The following MCTP2 variants were observed in gnomAD, a reference collection of about 807,000 sequenced individuals.
The protein encoded by MCTP2 is multiple C2 and transmembrane domain containing 2.
MCTP2 carries 132 observed loss-of-function variants against 111.6 expected under a neutral mutation model. The observed-to-expected ratio is 1.18, with a 90% CI of 1.03 to 1.37. The LOEUF (loss-of-function observed/expected upper bound fraction) is 1.37, where lower values mean the gene tolerates loss of function less well. Among genes scored for constraint, MCTP2 ranks in the 40% most tolerant of loss-of-function variants. The probability of loss-of-function intolerance (pLI) is 0.00; values close to 1 mark genes in which losing one functional copy is unlikely to be tolerated. For synonymous variants in MCTP2, 395 were observed against 387.7 expected (o/e 1.02, Z -0.22); for missense variants, 1,183 against 1,067.9 (o/e 1.11, Z -1.50).
chr15:94,424,980 G>A (rs1468183581), intron 17 of MCTP2, among the ~76,000 whole-genome samples: 2 of 151,398 alleles, frequency 1.3e-5, no homozygotes, highest in East Asian at 3.9e-4. Flanking sequence ...TTTTCATGCT[G>A]TTTGTTTTAC....
intron 17 of MCTP2, among the ~76,000 whole-genome samples, chr15:94,426,443 T>C (rs1057304371): frequency 1.3e-5 from 2 of 152,154 alleles, no homozygotes; most frequent in African/African-American, 4.8e-5. Context: ...AAATTATTAA[T>C]TTAATTCCCT....
intron 14 of MCTP2, among the ~76,000 whole-genome samples, chr15:94,394,211 T>C (rs530356290): frequency 6.6e-6 from 1 of 151,894 alleles, no homozygotes; most frequent in Admixed American, 6.6e-5. Flanking sequence ...GGCTGTGTGA[T>C]TTTTAACATT....
rs1223044643 is a variant in MCTP2 at position 94,480,178 on chromosome 15, A to C, written c.*1144A>C. The C allele has an allele frequency of 6.6e-6, 1 of 152,210 alleles. No individual in the cohort carries two copies. Among genetic ancestry groups the C allele is most frequent in the Non-Finnish European group, 1.5e-5 (1 of 68,046 alleles). 9.4% of individuals were successfully genotyped at this position (152,210 alleles called of 1,614,324 possible). A position where few individuals can be genotyped will look rare whatever the true frequency, so the allele number is the denominator to read the frequency against. On this transcript the variant is annotated 3_prime_UTR_variant, in exon 23 of 23. Coordinates refer to ENST00000357742, the MANE Select transcript of MCTP2 (RefSeq NM_001385001.1). ...AATCCTGACTTTGTGCGTATATAAAATGTATGCAATTAAGTCTGTTTAAAT... is the reference window on the plus strand; with the variant it reads ...AATCCTGACTTTGTGCGTATATAAACTGTATGCAATTAAGTCTGTTTAAAT...
Position 94,286,209 on chromosome 15 carries a change from T to C in MCTP2, c.-65-11992T>C, listed in dbSNP as rs558229019. Among the ~76,000 whole-genome samples the C allele has an allele frequency of 3.0e-4, 46 of 152,304 alleles. No individual in the cohort carries two copies. In the South Asian group the frequency reaches 9.3e-3, roughly 31 times the overall value. The stretch of plus-strand genomic sequence containing the variant: ...TGTTTTTGCCGCAAGCATAATTAAA[T>C]GCACCAAGGTATATAAATTCTTTTC... On this transcript the variant is annotated intron_variant, in intron 1 of 22. Coordinates refer to ENST00000357742, the MANE Select transcript of MCTP2 (RefSeq NM_001385001.1).
intron 12 of MCTP2, among the ~76,000 whole-genome samples, chr15:94,372,307 C>G (rs959853430): frequency 6.6e-6 from 1 of 152,142 alleles, no homozygotes; most frequent in African/African-American, 2.4e-5. Context: ...CCATAATGGT[C>G]TTCGTTTTTA....
chr15:94,262,136 AAG>A, intron 1 of MCTP2, among the ~76,000 whole-genome samples: 1 of 152,288 alleles, frequency 6.6e-6, no homozygotes, highest in Middle Eastern at 3.4e-3. Flanking sequence ...AATAAATTTA[AAG>A]AGCTTTTAGT....
At chr15:94,240,300 C>T (rs2070852738) in intron 1 of MCTP2, among the ~76,000 whole-genome samples, 1 of 152,146 alleles carries the variant, frequency 6.6e-6, no homozygotes, top group Admixed American at 6.6e-5. Context: ...AAACCTAGAA[C>T]TTGCACAAGG....
At position 94,479,097 on chromosome 15, in the gene MCTP2, T is replaced by C. The variant is rs2074599855; in HGVS notation, c.*63T>C. The C allele has an allele frequency of 2.6e-6, 4 of 1,517,362 alleles. No homozygotes were observed. In the East Asian group the frequency reaches 6.8e-5, roughly 26 times the overall value. The allele number at this position is 1,517,362 out of a possible 1,614,324, so 94.0% of individuals were successfully genotyped here. A position where few individuals can be genotyped will look rare whatever the true frequency, so the allele number is the denominator to read the frequency against. On this transcript the variant is annotated 3_prime_UTR_variant, in exon 23 of 23. Coordinates refer to ENST00000357742, the MANE Select transcript of MCTP2 (RefSeq NM_001385001.1). ...TGTTTGGTTGAGTAGACCAATGTTA[T>C]GGCTGTTTCAGTGGTACCCAAGGTG...
chr15:94,400,111 C>G, intron 16 of MCTP2, 116 bp downstream of exon 16: 1 of 806,830 alleles, frequency 1.2e-6, no homozygotes, highest in Non-Finnish European at 2.1e-6. Context: ...TACTCCTCCT[C>G]TCTCCCTCTT....
chr15:94,409,949 C>T (rs952305982), intron 17 of MCTP2, among the ~76,000 whole-genome samples: 4 of 148,866 alleles, frequency 2.7e-5, no homozygotes, highest in African/African-American at 9.9e-5. Flanking sequence ...CTCTGCCTCT[C>T]TCCAGAAGCC....
rs556238418 is a variant in MCTP2, at chr15:94,441,339, TA to T, written c.2208+1043del. Among the ~76,000 whole-genome samples the T allele has an allele frequency of 6.4e-3, 969 of 152,338 alleles. 12 individuals carry two copies. The highest frequency in any genetic ancestry group is 0.023 in the African/African-American group (939 of 41,578). On this transcript the variant is annotated intron_variant, in intron 18 of 22. Transcript: ENST00000357742. Reference sequence around the variant, plus strand: ...ATATCAGTGAGAAAATAGAACCAGCTAATAAATGAATGGCTTTAATAGATCC... The same window carrying T: ...ATATCAGTGAGAAAATAGAACCAGCTATAAATGAATGGCTTTAATAGATCC...
intron 22 of MCTP2, among the ~76,000 whole-genome samples, chr15:94,478,298 A>G (rs758482016): frequency 1.2e-4 from 18 of 152,234 alleles, no homozygotes; most frequent in Middle Eastern, 3.2e-3. Context: ...TGGCATGAAC[A>G]CAGAGAGATG....
At chr15:94,451,359 C>T (rs1033656886) in intron 19 of MCTP2, among the ~76,000 whole-genome samples, 1 of 152,150 alleles carries the variant, frequency 6.6e-6, no homozygotes, top group Non-Finnish European at 1.5e-5. Context: ...TTTGGTGATG[C>T]AGGCTTGCTC....
At chr15:94,401,768 C>T (rs538380225) in intron 16 of MCTP2, 132 bp from the exon 17 acceptor site, 2 of 582,260 alleles carry the variant, frequency 3.4e-6, no homozygotes, top group South Asian at 4.0e-5. Context: ...CAGGTCTTCT[C>T]CTTTCTATTA....
chr15:94,476,091 C>G (rs1349694601), intron 21 of MCTP2, among the ~76,000 whole-genome samples: 2 of 152,190 alleles, frequency 1.3e-5, no homozygotes, highest in South Asian at 2.1e-4. Flanking sequence ...ATGTCAGGTT[C>G]TGTTCTGCTG....
intron 20 of MCTP2, among the ~76,000 whole-genome samples, chr15:94,469,493 CTG>C (rs2073725660): frequency 6.6e-6 from 1 of 152,202 alleles, no homozygotes; most frequent in Non-Finnish European, 1.5e-5. Context: ...TTTCAAGACA[CTG>C]TTAGATTTCT....
At chr15:94,474,779 A>G in intron 21 of MCTP2, among the ~76,000 whole-genome samples, 1 of 151,994 alleles carries the variant, frequency 6.6e-6, no homozygotes, top group Non-Finnish European at 1.5e-5. Context: ...AATTATTGAA[A>G]CTTTTGATCC....
At chr15:94,262,105 C>A (rs911422431) in intron 1 of MCTP2, among the ~76,000 whole-genome samples, 1 of 152,098 alleles carries the variant, frequency 6.6e-6, no homozygotes, top group Admixed American at 6.6e-5. Context: ...TTCAGGGTAA[C>A]TTATCTTTAA....
chr15:94,400,131 C>T (rs542281223), intron 16 of MCTP2, 136 bp downstream of exon 16: 5 of 684,640 alleles, frequency 7.3e-6, no homozygotes, highest in African/African-American at 5.4e-5. Flanking sequence ...TGCCCCATCT[C>T]TCCACTTATT....
Sources: allele counts gnomAD v4.1 joint callset (sites outside exome capture counted in the v4.1 genomes callset), GRCh38; gene constraint gnomAD v4.1.1; transcripts MANE v1.5; gene names NCBI Gene and HGNC (gene_info 2026-07-23, HGNC 2026-07-21).